The following ZNF577 variants were observed in gnomAD, a reference collection of about 807,000 sequenced individuals.
The protein encoded by ZNF577 is zinc finger protein 577.
In ZNF577, 14 loss-of-function variants were observed where a neutral mutation model predicts 13.9. That is an observed-to-expected ratio of 1.00 (90% CI 0.66 to 1.57). The LOEUF (loss-of-function observed/expected upper bound fraction) is 1.57, where lower values mean the gene tolerates loss of function less well. Ranked by LOEUF, ZNF577 falls within the 40% of genes most tolerant of loss-of-function variation. The pLI is 0.00. For synonymous variants in ZNF577, 203 were observed against 202.9 expected, an observed-to-expected ratio of 1.00 and a Z score of 0.00; for missense variants, 555 against 579.2, an observed-to-expected ratio of 0.96 and a Z score of 0.43.
chr19:51,877,134 G>T (rs892734722), intron 5 of ZNF577, 148 bp downstream of exon 5: 2 of 607,204 alleles, frequency 3.3e-6, no homozygotes, highest in Non-Finnish European at 2.9e-6. Flanking sequence ...ATTAGGGATG[G>T]ACACAGATGC....
In ZNF577 at chr19:51,867,614, A is replaced by C. The variant is rs1181050267; in HGVS notation, c.*4918T>G. Among the ~76,000 whole-genome samples the C allele has an allele frequency of 6.8e-6, 1 of 146,336 alleles. No individual in the cohort carries two copies. The highest frequency in any genetic ancestry group is 2.3e-4 in the South Asian group (1 of 4,386). ...ATGATGAAACCCCGTCTCTACTAAA[A>C]ATACAAAAAAAAAAAAAAAAATTAG... is the stretch of plus-strand genomic sequence containing the variant. On this transcript the variant is annotated 3_prime_UTR_variant, in exon 6 of 6. Coordinates refer to ENST00000638348, the MANE Select transcript of ZNF577 (RefSeq NM_001370449.1).
chr19:51,866,070 G>A (rs1568444898), downstream of ZNF577, among the ~76,000 whole-genome samples: 1 of 151,848 alleles, frequency 6.6e-6, no homozygotes, highest in Non-Finnish European at 1.5e-5. Context: ...AGCTGAGATG[G>A]CGCCACTGCA....
At chr19:51,855,446 G>A (rs2084409547) in intron 5 of ZNF577, among the ~76,000 whole-genome samples, 1 of 148,192 alleles carries the variant, frequency 6.7e-6, no homozygotes, top group African/African-American at 2.5e-5. Flanking sequence ...GTCTACTTTA[G>A]CCTTCTCTTC....
At chr19:51,881,734 G>A (rs1187188838) in intron 1 of ZNF577, among the ~76,000 whole-genome samples, 1 of 152,164 alleles carries the variant, frequency 6.6e-6, no homozygotes, top group African/African-American at 2.4e-5. Flanking sequence ...AAGGGCCTGT[G>A]ATCTCCTAAT....
Position 51,824,808 on chromosome 19 carries a change from T to G in ZNF577, c.*600-13134A>C, listed in dbSNP as rs2084220124. On this transcript the variant is annotated intron_variant and NMD_transcript_variant, in intron 9 of 10. Transcript: ENST00000638827. This position sits in a 1 kb window ranked among gnomAD's most constrained non-coding sequence, Gnocchi z 4.7. ...TGAGGAGACGGAGTTACAAGCAATG[T>G]GAGGTCGGGGATATTTTTGGGCTCT... 3.1e-6 allele frequency: 5 copies of G among 1,603,888 alleles called. No homozygotes were observed. Among genetic ancestry groups the G allele is most frequent in the Non-Finnish European group, 4.3e-6 (5 of 1,174,262 alleles).
chr19:51,872,748 A>G lies in ZNF577; in HGVS notation c.1242T>C (p.Pro414=). ...GGGTTCCTGAGGAAGGCATTTCTAT[A>G]GGTACTGTGTTCACAGTCTTTTGCT... ...IQEQKTVNTV[P]IEMPSSGTPP... Residue 414 remains proline (P), a synonymous_variant, in exon 6 of 6, where the codon CCT becomes CCC. Transcript: ENST00000638348. 6.2e-7 allele frequency: 1 copy of G among 1,614,208 alleles called. No individual in the cohort carries two copies. Among genetic ancestry groups the G allele is most frequent in the Non-Finnish European group, 8.5e-7 (1 of 1,180,036 alleles).
At chr19:51,882,649 T>A (rs2084880225) in intron 1 of ZNF577, among the ~76,000 whole-genome samples, 1 of 151,808 alleles carries the variant, frequency 6.6e-6, no homozygotes, top group Non-Finnish European at 1.5e-5. Context: ...CCAGGCATGG[T>A]GGTGCATGCA....
chr19:51,878,729 T>C, intron 3 of ZNF577: 1 of 444,078 alleles, frequency 2.3e-6, no homozygotes, highest in Non-Finnish European at 4.0e-6. Context: ...GTAATAAGAC[T>C]GTTCATTATT....
chr19:51,875,088 G>T (rs986489971), intron 5 of ZNF577, among the ~76,000 whole-genome samples: 1 of 152,062 alleles, frequency 6.6e-6, no homozygotes, highest in Non-Finnish European at 1.5e-5. Flanking sequence ...AAAGAGGGTG[G>T]CCAGGCGCAG....
chr19:51,851,723 A>G (rs2084379635), intron 5 of ZNF577, among the ~76,000 whole-genome samples: 1 of 152,200 alleles, frequency 6.6e-6, no homozygotes, highest in South Asian at 2.1e-4. Context: ...CCAAGCCAGC[A>G]GCCTATGCTC....
intron 5 of ZNF577, chr19:51,860,565 G>A (rs1304741793): frequency 6.5e-6 from 1 of 153,524 alleles, no homozygotes; most frequent in Non-Finnish European, 1.4e-5. Context: ...GCTATGCAAT[G>A]GGTTTTGTGG....
chr19:51,872,975 A>T lies in ZNF577; in HGVS notation c.1015T>A (p.Ser339Thr). The change falls in exon 6 of 6, where the codon TCG (serine) becomes ACG (threonine). Residue 339 changes from serine (S) to threonine (T), a missense_variant. Ser to Thr is a moderately conservative substitution (Grantham distance 58). Coordinates refer to ENST00000638348, the MANE Select transcript of ZNF577 (RefSeq NM_001370449.1). ...SECEKAFRSK[S>T]KLIQHQRTHT... ...GTACGCTGATGCTGAATGAGCTTCG[A>T]CTTGCTTCTAAAGGCTTTTTCACAC... is the stretch of plus-strand genomic sequence containing the variant. 6.2e-7 allele frequency: 1 copy of T among 1,614,132 alleles called. No homozygotes were observed. Among genetic ancestry groups the T allele is most frequent in the Non-Finnish European group, 8.5e-7 (1 of 1,180,042 alleles).
At chr19:51,884,955 A>C (rs2084920429) in intron 1 of ZNF577, among the ~76,000 whole-genome samples, 1 of 152,248 alleles carries the variant, frequency 6.6e-6, no homozygotes, top group African/African-American at 2.4e-5. Context: ...TTTGATATTG[A>C]TTTATAGCTT....
Position 51,872,796 on chromosome 19 carries a change from T to C in ZNF577, c.1194A>G (p.Leu398=). The change falls in exon 6 of 6, where the codon TTA becomes TTG. Residue 398 remains leucine, a synonymous_variant. Transcript: ENST00000638348. ...EKPSSRSHTS[L]YMSELIQEQK... is the part of the protein sequence containing the mutation. ...GCTCTTGTATGAGTTCGCTCATGTA[T>C]AAGGAGGTATGACTCCTTGAGGAAG... 3.7e-6 allele frequency: 6 copies of C among 1,614,236 alleles called. No individual in the cohort carries two copies. Among genetic ancestry groups the C allele is most frequent in the Non-Finnish European group, 5.1e-6 (6 of 1,180,028 alleles).
At chr19:51,886,632 T>C (rs1467612939) in intron 1 of ZNF577, among the ~76,000 whole-genome samples, 189 bp downstream of exon 1, 1 of 152,132 alleles carries the variant, frequency 6.6e-6, no homozygotes, top group African/African-American at 2.4e-5. Context: ...CAAAAGCCCT[T>C]AGGAAAGAGA....
At position 51,880,366 on chromosome 19, in the gene ZNF577, A is replaced by G. The variant is rs542140196; in HGVS notation, c.17T>C (p.Ile6Thr). The change falls in exon 3 of 6, where the codon ATT becomes ACT. Residue 6 changes from isoleucine (I) to threonine (T), a missense_variant. Ile to Thr is a moderately conservative substitution (Grantham distance 89, BLOSUM62 -1). Coordinates refer to ENST00000638348, the MANE Select transcript of ZNF577 (RefSeq NM_001370449.1). ...TTGCTCTCTCCTCACAGACATTACAATCGTGGCATTTTTCATGTGTTTCCT... is the reference window on the plus strand; with the variant it reads ...TTGCTCTCTCCTCACAGACATTACAGTCGTGGCATTTTTCATGTGTTTCCT... MKNAT[I>T]VMSVRREQGS... 4 of 1,614,118 alleles carry G rather than the reference A, an allele frequency of 2.5e-6. No individual in the cohort carries two copies. Among genetic ancestry groups the G allele is most frequent in the South Asian group, 1.1e-5 (1 of 91,084 alleles).
In ZNF577 at chr19:51,824,518, A is replaced by T. The variant is rs757246189; in HGVS notation, c.*600-12844T>A. 6.2e-7 allele frequency: 1 copy of T among 1,614,082 alleles called. No homozygotes were observed. The highest frequency in any genetic ancestry group is 8.5e-7 in the Non-Finnish European group (1 of 1,179,988). ...TCTTTCTTCATCTGTTGGTTCCCTTATGAACTAATTGGCATTCTAATGGCA... is the reference window on the plus strand; with the variant it reads ...TCTTTCTTCATCTGTTGGTTCCCTTTTGAACTAATTGGCATTCTAATGGCA... On this transcript the variant is annotated intron_variant and NMD_transcript_variant, in intron 9 of 10. Transcript: ENST00000638827. The surrounding 1 kb of genome is among the most constrained non-coding windows in gnomAD (Gnocchi z 4.7).
chr19:51,861,108 TC>T (rs1568443415), intron 5 of ZNF577: 5 of 270,182 alleles, frequency 1.9e-5, no homozygotes, highest in African/African-American at 9.3e-5. Context: ...CATAATTGAC[TC>T]TCTCTTTTTT....
Position 51,872,342 on chromosome 19 carries a change from A to T in ZNF577, c.*190T>A. ...CCAATTGAGATATCATCTCCAGGTA[A>T]AGACTTCCTCATAACAGCTGCATTT... On this transcript the variant is annotated 3_prime_UTR_variant, in exon 6 of 6. Coordinates refer to ENST00000638348, the MANE Select transcript of ZNF577 (RefSeq NM_001370449.1). 1 of 520,204 alleles carries T rather than the reference A, an allele frequency of 1.9e-6. No homozygotes were observed. Among genetic ancestry groups the T allele is most frequent in the East Asian group, 3.2e-5 (1 of 31,744 alleles). 32.2% of individuals were successfully genotyped at this position (520,204 alleles called of 1,614,324 possible).
Sources: allele counts gnomAD v4.1 joint callset (sites outside exome capture counted in the v4.1 genomes callset), GRCh38; gene constraint gnomAD v4.1.1; non-coding constraint Gnocchi (gnomAD v3.1); transcripts MANE v1.5; gene names NCBI Gene and HGNC (gene_info 2026-07-23, HGNC 2026-07-21).